Variants in FBRSL1 observed in about 807,000 individuals in gnomAD.
FBRSL1 encodes the protein fibrosin like 1, also known as fibrosin-1-like protein.
A neutral mutation model predicts 89.6 loss-of-function variants in FBRSL1; 51 were observed. The observed-to-expected ratio is 0.57, with a 90% confidence interval of 0.45 to 0.72. The LOEUF (loss-of-function observed/expected upper bound fraction) is 0.72, where lower values mean the gene tolerates loss of function less well. FBRSL1 is among the 30% of genes least tolerant of loss of function. The pLI, the probability that FBRSL1 is intolerant of heterozygous loss-of-function variation, is 0.00. For missense variants in FBRSL1, 1,618 were observed against 1,451.8 expected, an observed-to-expected ratio of 1.11 and a Z score of -1.86; for synonymous variants, 779 against 681.1, an observed-to-expected ratio of 1.14 and a Z score of -2.24.
chr12:132,527,868 G>A, intron 3 of FBRSL1, 85 bp from the exon 4 acceptor site: 2 of 1,317,808 alleles, frequency 1.5e-6, no homozygotes, highest in Admixed American at 4.0e-5. Flanking sequence ...TAAGGGCTGA[G>A]GGCTGCAGGG....
At chr12:132,568,780 C>T (rs1328577695) in intron 6 of FBRSL1, among the ~76,000 whole-genome samples, 3 of 152,130 alleles carry the variant, frequency 2.0e-5, no homozygotes, top group African/African-American at 7.2e-5. Flanking sequence ...CTCCCTCTCT[C>T]CTGTGTCCTC....
intron 5 of FBRSL1, among the ~76,000 whole-genome samples, chr12:132,558,776 G>A (rs902741081): frequency 6.6e-6 from 1 of 152,244 alleles, no homozygotes; most frequent in Middle Eastern, 3.2e-3. Context: ...GGCCCTGCCC[G>A]GGGCCAGGCC....
At chr12:132,534,453 G>T (rs555581648) in intron 4 of FBRSL1, among the ~76,000 whole-genome samples, 1 of 152,232 alleles carries the variant, frequency 6.6e-6, no homozygotes, top group Non-Finnish European at 1.5e-5. Flanking sequence ...TGCACCTGTC[G>T]CACCCTCTGC....
At chr12:132,551,317 C>T (rs1364703673) in intron 5 of FBRSL1, 2 of 439,416 alleles carry the variant, frequency 4.6e-6, no homozygotes, top group Admixed American at 2.4e-5. Context: ...AGGCCCATTG[C>T]TCACATGGCC....
intron 4 of FBRSL1, among the ~76,000 whole-genome samples, chr12:132,541,135 C>T (rs1398358485): frequency 2.0e-5 from 3 of 151,264 alleles, no homozygotes; most frequent in Admixed American, 2.0e-4. Context: ...CGAGGCATGT[C>T]AGGTGCAAAT....
intron 6 of FBRSL1, among the ~76,000 whole-genome samples, chr12:132,569,601 TAGC>T (rs2039868917): frequency 6.6e-6 from 1 of 152,134 alleles, no homozygotes; most frequent in Non-Finnish European, 1.5e-5. Flanking sequence ...AATGAGGTCA[TAGC>T]AGCCCCTGTC....
intron 5 of FBRSL1, among the ~76,000 whole-genome samples, chr12:132,563,651 A>G (rs4992763): frequency 0.6 from 90,852 of 151,052 alleles, 28,318 homozygotes; most frequent in East Asian, 0.87. Flanking sequence ...TTATTTTTGC[A>G]GTAAATGCAG....
chr12:132,563,539 TC>T (rs1301795381), intron 5 of FBRSL1, among the ~76,000 whole-genome samples: 2 of 152,094 alleles, frequency 1.3e-5, no homozygotes, highest in Non-Finnish European at 2.9e-5. Flanking sequence ...CTCTTGGATC[TC>T]CTTCCGTCTG....
At chr12:132,575,353 G>C (rs577504290) in intron 14 of FBRSL1, among the ~76,000 whole-genome samples, 3 of 152,186 alleles carry the variant, frequency 2.0e-5, no homozygotes, top group South Asian at 2.1e-4. Flanking sequence ...TCGGCCTCCC[G>C]AGTAGCTGGG....
At chr12:132,501,380 G>A (rs898535108) in intron 1 of FBRSL1, among the ~76,000 whole-genome samples, 1 of 152,198 alleles carries the variant, frequency 6.6e-6, no homozygotes, top group Non-Finnish European at 1.5e-5. Context: ...CCCTCCCCAT[G>A]GCTGAGGAAG....
Position 132,583,670 on chromosome 12 carries a change from G to GC in FBRSL1, c.2907dup (p.Gly970ArgfsTer56), listed in dbSNP as rs1201055451. On this transcript the variant is annotated frameshift_variant, in exon 19 of 19. Coordinates refer to ENST00000680143, the MANE Select transcript of FBRSL1 (RefSeq NM_001367871.1). LOFTEE classifies it high-confidence loss of function. ...TGGTGACGGCGGCCGGGCCCCCCACGCCCCCCGGGCCGCCGCGGAGCCGGA... is the reference window on the plus strand; with the variant it reads ...TGGTGACGGCGGCCGGGCCCCCCACGCCCCCCCGGGCCGCCGCGGAGCCGGA... The GC allele has an allele frequency of 7.3e-6, 8 of 1,103,182 alleles. No homozygotes were observed. Among genetic ancestry groups the GC allele is most frequent in the South Asian group, 4.3e-5 (1 of 23,076 alleles). The allele number at this position is 1,103,182 out of a possible 1,614,324, so 68.3% of individuals were successfully genotyped here.
Position 132,583,011 on chromosome 12 carries a change from C to T in FBRSL1, c.2242C>T (p.Pro748Ser), listed in dbSNP as rs1348875879. The T allele has an allele frequency of 2.7e-5, 40 of 1,455,886 alleles. No individual in the cohort carries two copies. Among genetic ancestry groups the T allele is most frequent in the Non-Finnish European group, 3.4e-5 (38 of 1,111,610 alleles). The allele number at this position is 1,455,886 out of a possible 1,614,324, so 90.2% of individuals were successfully genotyped here. ...EKTRLLSRAS[P>S]ATPAGHPVSG... ...GACGCGCCTGCTGAGCCGGGCCTCGCCCGCCACCCCCGCTGGCCACCCCGT... is the reference window on the plus strand; with the variant it reads ...GACGCGCCTGCTGAGCCGGGCCTCGTCCGCCACCCCCGCTGGCCACCCCGT... Residue 748 changes from proline (P) to serine (S), a missense_variant, in exon 19 of 19, where the codon CCC (proline) becomes TCC (serine). By Grantham distance (74) the Pro-to-Ser change is moderately conservative. Coordinates refer to ENST00000680143, the MANE Select transcript of FBRSL1 (RefSeq NM_001367871.1).
At chr12:132,567,331 T>A in intron 5 of FBRSL1, 150 bp from the exon 6 acceptor site, 1 of 704,908 alleles carries the variant, frequency 1.4e-6, no homozygotes, top group Non-Finnish European at 2.5e-6. Flanking sequence ...GGACTAAGCG[T>A]GTTCACCTCG....
intron 1 of FBRSL1, among the ~76,000 whole-genome samples, chr12:132,504,437 C>T (rs1167082967): frequency 1.3e-5 from 2 of 152,188 alleles, no homozygotes; most frequent in African/African-American, 4.8e-5. Flanking sequence ...CCTGGTGGTC[C>T]TCCTGGGAGA....
At chr12:132,548,768 T>A (rs1023684074) in intron 5 of FBRSL1, among the ~76,000 whole-genome samples, 1 of 152,182 alleles carries the variant, frequency 6.6e-6, no homozygotes. Context: ...TGCCAAGGGC[T>A]ACCCGGGGGC....
At chr12:132,523,499 G>A (rs1484447819) in intron 2 of FBRSL1, among the ~76,000 whole-genome samples, 2 of 152,086 alleles carry the variant, frequency 1.3e-5, no homozygotes, top group Non-Finnish European at 2.9e-5. Context: ...GACCGGAGGT[G>A]GCTTTTGTGT....
intron 18 of FBRSL1, among the ~76,000 whole-genome samples, chr12:132,582,723 G>A (rs1052121684): frequency 6.6e-6 from 1 of 152,112 alleles, no homozygotes; most frequent in Admixed American, 6.5e-5. Flanking sequence ...GGAGGGGCCC[G>A]TGGGGAGCCG....
At chr12:132,513,188 A>G in intron 2 of FBRSL1, among the ~76,000 whole-genome samples, 1 of 152,206 alleles carries the variant, frequency 6.6e-6, no homozygotes. Context: ...CACTTTGCTG[A>G]CCAGAAGATG....
At chr12:132,563,339 CACCTCACATCTGGCCCCCCAGCCCGT>C (rs1366796585) in intron 5 of FBRSL1, among the ~76,000 whole-genome samples, 39 of 85,236 alleles carry the variant, frequency 4.6e-4, no homozygotes, top group African/African-American at 1.5e-3. Context: ...CCACAGCCTG[CACCTCACATCTGGCCCCCCAGCCCGT>C]ACCCCACGCC....
Sources: gnomAD v4.1 joint callset for allele counts (sites outside exome capture counted in the v4.1 genomes callset) on GRCh38, gnomAD v4.1.1 for gene constraint, MANE v1.5 for transcripts, NCBI Gene and HGNC (gene_info 2026-07-23, HGNC 2026-07-21) for gene names.